RLIM: variants seen among roughly 807,000 people sequenced by gnomAD.
RLIM encodes the protein E3 ubiquitin-protein ligase RLIM.
A neutral mutation model predicts 34.0 loss-of-function variants in RLIM; 2 were observed. The observed-to-expected ratio is 0.06, with a 90% CI of 0.02 to 0.19. The LOEUF (loss-of-function observed/expected upper bound fraction) is 0.19, where lower values mean the gene tolerates loss of function less well. Ranked by LOEUF, RLIM falls within the 10% of genes least tolerant of loss-of-function variation. The pLI is 1.00. For synonymous variants in RLIM, 169 were observed against 164.0 expected, an observed-to-expected ratio of 1.03 and a Z score of -0.23; for missense variants, 286 against 479.7, an observed-to-expected ratio of 0.60 and a Z score of 3.77.
At position 74,588,248 on chromosome X, in the gene RLIM, T is replaced by G. The variant is rs1454600197; in HGVS notation, c.*3192A>C. 2 of 111,562 alleles carry G rather than the reference T, an allele frequency of 1.8e-5. No homozygotes were observed. Among genetic ancestry groups the G allele is most frequent in the African/African-American group, 6.5e-5 (2 of 30,640 alleles). The allele number at this position is 111,562 out of a possible 1,213,427, so 9.2% of individuals were successfully genotyped here. ...ATTTTCGGAGGCCGAGGCAGGCACA[T>G]CACTTGAGGTCAGGAGTTCAAGACC... On this transcript the variant is annotated 3_prime_UTR_variant, in exon 4 of 4. Transcript: ENST00000332687.
At position 74,592,265 on chromosome X, in the gene RLIM, T is replaced by C. The variant is rs2079619568; in HGVS notation, c.1050A>G (p.Pro350=). ...ASRTRSRSQT[P]NNTVTYESER... is the part of the protein sequence containing the mutation. ...CACTTTCATAGGTGACAGTGTTGTTTGGTGTCTGAGACCTAGACCGAGTTC... is the reference window on the plus strand; with the variant it reads ...CACTTTCATAGGTGACAGTGTTGTTCGGTGTCTGAGACCTAGACCGAGTTC... Residue 350 remains proline, a synonymous_variant, in exon 4 of 4, where the codon CCA becomes CCG. Coordinates refer to ENST00000332687, the MANE Select transcript of RLIM (RefSeq NM_016120.4). The C allele has an allele frequency of 2.5e-6, 3 of 1,211,805 alleles. No homozygotes were observed. In the Admixed American group the frequency reaches 6.5e-5, roughly 26 times the overall value.
At chrX:74,607,473 G>A (rs1405631632) in intron 1 of RLIM, among the ~76,000 whole-genome samples, 1 of 113,102 alleles carries the variant, frequency 8.8e-6, no homozygotes, top group African/African-American at 3.2e-5. Flanking sequence ...ACTTCGGGAG[G>A]CCGACGCGGG....
Position 74,590,002 on chromosome X carries a change from A to G in RLIM, c.*1438T>C, listed in dbSNP as rs1194611473. 1 of 112,049 alleles carries G rather than the reference A, an allele frequency of 8.9e-6. No individual in the cohort carries two copies. The highest frequency in any genetic ancestry group is 3.2e-5 in the African/African-American group (1 of 30,871). 9.2% of individuals were successfully genotyped at this position (112,049 alleles called of 1,213,427 possible). A position where few individuals can be genotyped will look rare whatever the true frequency, so the allele number is the denominator to read the frequency against. ...AACATGACTTTCAACAAAGGATAAA[A>G]ATCCCTTAATCTTCAACTGGTCTTT... On this transcript the variant is annotated 3_prime_UTR_variant, in exon 4 of 4. Coordinates refer to ENST00000332687, the MANE Select transcript of RLIM (RefSeq NM_016120.4).
Position 74,586,951 on chromosome X carries a change from T to C in RLIM, c.*4489A>G. 1 of 111,128 alleles carries C rather than the reference T, an allele frequency of 9.0e-6. No individual in the cohort carries two copies. Among genetic ancestry groups the C allele is most frequent in the Admixed American group, 9.6e-5 (1 of 10,380 alleles). 9.2% of individuals were successfully genotyped at this position (111,128 alleles called of 1,213,427 possible). The stretch of plus-strand genomic sequence containing the variant: ...TCCACAAAAAATTAGCCAGGCAATG[T>C]GGTGCATGCCTGTAGTCCCAGCTAC... On this transcript the variant is annotated 3_prime_UTR_variant, in exon 4 of 4. Transcript: ENST00000332687.
At chrX:74,604,278 T>C (rs934888540) in intron 1 of RLIM, among the ~76,000 whole-genome samples, 10 of 111,432 alleles carry the variant, frequency 9.0e-5, no homozygotes, top group African/African-American at 3.3e-4. Flanking sequence ...AACAATACAG[T>C]TGTGTTTAGT....
rs747348309 is a variant in RLIM at position 74,591,798 on chromosome X, G to A, written c.1517C>T (p.Ser506Leu). ...ATGTCGACCCTCTCGCCTGGCACCT[G>A]ATGAGCCTGATGATGAGCTTCCTTC... The part of the protein sequence containing the change: ...SNEGSSSSGS[S>L]GARREGRHRA... The change falls in exon 4 of 4, where the codon TCA becomes TTA. Residue 506 changes from serine to leucine, a missense_variant. Ser to Leu is a moderately radical substitution (Grantham distance 145). Coordinates refer to ENST00000332687, the MANE Select transcript of RLIM (RefSeq NM_016120.4). 3.3e-6 allele frequency: 4 copies of A among 1,211,321 alleles called. No individual in the cohort carries two copies. Among genetic ancestry groups the A allele is most frequent in the Non-Finnish European group, 4.5e-6 (4 of 895,379 alleles).
At chrX:74,606,992 GGGCAT>G (rs1392545096) in intron 1 of RLIM, among the ~76,000 whole-genome samples, 1 of 110,149 alleles carries the variant, frequency 9.1e-6, no homozygotes, top group African/African-American at 3.3e-5. Flanking sequence ...AAACTTAGCT[GGGCAT>G]GGTAACGCGC....
chrX:74,593,439 G>C (rs914918121), intron 3 of RLIM, among the ~76,000 whole-genome samples: 4 of 112,477 alleles, frequency 3.6e-5, no homozygotes, highest in African/African-American at 6.5e-5. Flanking sequence ...TTAACGAACA[G>C]TCACATTTAG....
intron 1 of RLIM, among the ~76,000 whole-genome samples, chrX:74,605,498 C>T (rs1165161471): frequency 8.9e-6 from 1 of 111,851 alleles, no homozygotes; most frequent in Non-Finnish European, 1.9e-5. Flanking sequence ...CAGTGAGTAA[C>T]ATTGTGGTAC....
At position 74,583,628 on chromosome X, in the gene RLIM, G is replaced by C. The variant is rs753261029; in HGVS notation, c.*7812C>G. On this transcript the variant is annotated 3_prime_UTR_variant, in exon 4 of 4. Coordinates refer to ENST00000332687, the MANE Select transcript of RLIM (RefSeq NM_016120.4). ...CCGTTTGCCCTAGGGCTGATTACAA[G>C]GTACACTTAAACTGCTAAAATGATA... The C allele has an allele frequency of 4.9e-5, 21 of 431,831 alleles. No individual in the cohort carries two copies. The African/African-American group carries it at 5.2e-4, about 11-fold the overall frequency. 35.6% of individuals were successfully genotyped at this position (431,831 alleles called of 1,213,427 possible). A position where few individuals can be genotyped will look rare whatever the true frequency, so the allele number is the denominator to read the frequency against.
chrX:74,589,859 C>T lies in RLIM; in HGVS notation c.*1581G>A, dbSNP rs1241654321. On this transcript the variant is annotated 3_prime_UTR_variant, in exon 4 of 4. Coordinates refer to ENST00000332687, the MANE Select transcript of RLIM (RefSeq NM_016120.4). Reference sequence around the variant, plus strand: ...AATTAGGCAAGAAGACTGGGGTTATCATGAAGTTACTCTTACTACTAAGAA... The same window carrying T: ...AATTAGGCAAGAAGACTGGGGTTATTATGAAGTTACTCTTACTACTAAGAA... 1 of 112,184 alleles carries T rather than the reference C, an allele frequency of 8.9e-6. No homozygotes were observed. The highest frequency in any genetic ancestry group is 1.9e-5 in the Non-Finnish European group (1 of 53,238). 9.2% of individuals were successfully genotyped at this position (112,184 alleles called of 1,213,427 possible).
rs1250479911 is a variant in RLIM at position 74,588,715 on chromosome X, T to TA, written c.*2724dup. On this transcript the variant is annotated 3_prime_UTR_variant, in exon 4 of 4. Coordinates refer to ENST00000332687, the MANE Select transcript of RLIM (RefSeq NM_016120.4). ...GTCTTAAAGACAACTTTTCTGTACT[T>TA]AAGAAAAAGTGCAAAGATAGAAAAT... 4 of 111,847 alleles carry TA rather than the reference T, an allele frequency of 3.6e-5. No individual in the cohort carries two copies. Among genetic ancestry groups the TA allele is most frequent in the Non-Finnish European group, 7.5e-5 (4 of 53,183 alleles). 9.2% of individuals were successfully genotyped at this position (111,847 alleles called of 1,213,427 possible).
In RLIM at chrX:74,592,751, T is replaced by C. The variant is rs755664854; in HGVS notation, c.564A>G (p.Pro188=). ...CAGTTGAATTTCGTTCTGATCTAGA[T>C]GGCCTTGCAGATGTTGATTCAGATC... The part of the protein sequence containing the change: ...NPRSESTSAR[P]SRSERNSTEA... Residue 188 remains proline, a synonymous_variant, in exon 4 of 4, where the codon CCA becomes CCG. Coordinates refer to ENST00000332687, the MANE Select transcript of RLIM (RefSeq NM_016120.4). 1.6e-5 allele frequency: 19 copies of C among 1,210,374 alleles called. No homozygotes were observed. The East Asian group carries it at 4.4e-4, about 28-fold the overall frequency.
rs191329850 is a variant in RLIM at position 74,614,037 on chromosome X, G to A, written c.-24+385C>T. 2.0e-4 allele frequency among the ~76,000 whole-genome samples: 22 copies of A among 109,553 alleles called. 1 individual carries two copies. In the East Asian group the frequency reaches 6.4e-3, roughly 32 times the overall value. ...AGCCCGCCATGGAAAACGCGGGGAG[G>A]TCAGGGAAGCCTCCAGAGAACAGAG... On this transcript the variant is annotated intron_variant, in intron 1 of 3. Coordinates refer to ENST00000332687, the MANE Select transcript of RLIM (RefSeq NM_016120.4).
Position 74,608,002 on chromosome X carries a change from T to C in RLIM, c.-24+6420A>G, listed in dbSNP as rs891920010. Reference sequence around the variant, plus strand: ...TATAGAATGTTTAATTAAAATGTTATGGTATTTGTAACAGAAAAATATTTG... The same window carrying C: ...TATAGAATGTTTAATTAAAATGTTACGGTATTTGTAACAGAAAAATATTTG... On this transcript the variant is annotated intron_variant, in intron 1 of 3. Transcript: ENST00000332687. Among the ~76,000 whole-genome samples, 4 of 112,509 alleles carry C rather than the reference T, an allele frequency of 3.6e-5. No homozygotes were observed. The Admixed American group carries it at 3.8e-4, about 11-fold the overall frequency.
At chrX:74,611,339 C>T (rs1030911030) in intron 1 of RLIM, among the ~76,000 whole-genome samples, 14 of 112,077 alleles carry the variant, frequency 1.2e-4, no homozygotes, top group Admixed American at 9.5e-5. Context: ...AATGCAGATG[C>T]CTCATTTGAC....
intron 1 of RLIM, among the ~76,000 whole-genome samples, chrX:74,606,336 G>A (rs2079682073): frequency 9.0e-6 from 1 of 111,630 alleles, no homozygotes; most frequent in South Asian, 3.7e-4. Context: ...CTACTCATCT[G>A]GTCAATGAAT....
intron 1 of RLIM, among the ~76,000 whole-genome samples, chrX:74,609,225 C>T (rs201934426): frequency 9.0e-6 from 1 of 110,614 alleles, no homozygotes; most frequent in Admixed American, 9.7e-5. Context: ...CGGTGGCTCA[C>T]GCCTGTAATC....
chrX:74,595,179 C>T (rs1455510305), intron 2 of RLIM, among the ~76,000 whole-genome samples: 2 of 111,998 alleles, frequency 1.8e-5, no homozygotes, highest in Non-Finnish European at 3.8e-5. Context: ...CAGAACTCCA[C>T]CTAAAGCATT....
Sources: gnomAD v4.1 joint callset for allele counts (sites outside exome capture counted in the v4.1 genomes callset) on GRCh38, gnomAD v4.1.1 for gene constraint, MANE v1.5 for transcripts, NCBI Gene and HGNC (gene_info 2026-07-23, HGNC 2026-07-21) for gene names.